The following PLD5 variants were observed in gnomAD, a reference collection of about 807,000 sequenced individuals.
PLD5 encodes the protein phospholipase D family member 5, also known as inactive phospholipase D5.
Under a neutral mutation model 61.1 loss-of-function variants are expected in PLD5, and 36 were observed. The ratio of observed to expected loss-of-function variants is 0.59; its 90% CI spans 0.45 to 0.78. The LOEUF is 0.78. PLD5 is among the 30% of genes least tolerant of loss of function. The pLI is 0.00. For missense variants in PLD5, 515 were observed against 644.4 expected, an observed-to-expected ratio of 0.80 and a Z score of 2.17; for synonymous variants, 243 against 242.8, an observed-to-expected ratio of 1.00 and a Z score of -0.01.
At chr1:242,485,323 T>C (rs182356645) in intron 1 of PLD5, among the ~76,000 whole-genome samples, 72 of 152,288 alleles carry the variant, frequency 4.7e-4, no homozygotes, top group African/African-American at 1.6e-3. Context: ...CCCCATCGTC[T>C]CAGCCCAAAA....
chr1:242,485,854 T>A (rs1253560493), intron 1 of PLD5, among the ~76,000 whole-genome samples: 1 of 152,194 alleles, frequency 6.6e-6, no homozygotes, highest in Admixed American at 6.5e-5. Flanking sequence ...ATGGTCCTGG[T>A]ACCAAAACAG....
At chr1:242,261,883 G>A (rs10926671) in intron 4 of PLD5, among the ~76,000 whole-genome samples, 71,487 of 152,038 alleles carry the variant, frequency 0.47, 17,784 homozygotes, top group East Asian at 0.68. Context: ...GTGAGAGTGT[G>A]AATTAGTACA....
rs1558290990 is a variant in PLD5 at position 242,163,133 on chromosome 1, TTTTCTTTTCTTTTCTTTC to T, written c.736-38486_736-38469del. 3.2e-4 allele frequency among the ~76,000 whole-genome samples: 41 copies of T among 127,670 alleles called. 1 individual carries two copies. Among genetic ancestry groups the T allele is most frequent in the African/African-American group, 1.2e-3 (41 of 33,994 alleles). The allele number at this position is 127,670 out of a possible 152,430, so 83.8% of individuals were successfully genotyped here. A position where few individuals can be genotyped will look rare whatever the true frequency, so the allele number is the denominator to read the frequency against. The stretch of plus-strand genomic sequence containing the variant: ...GAAAATACTTCCCTCAAGTCTTTTA[TTTTCTTTTCTTTTCTTTC>T]TTTTCTTGAGACGACGGAGTCTCAC... On this transcript the variant is annotated intron_variant, in intron 5 of 9. Transcript: ENST00000536534.
chr1:242,188,669 G>C (rs1668058365), intron 5 of PLD5: 1 of 152,212 alleles, frequency 6.6e-6, no homozygotes, highest in African/African-American at 2.4e-5. Flanking sequence ...CGTGTAAATA[G>C]TATTTAGCTA....
At chr1:242,109,136 A>T (rs150271468) in intron 7 of PLD5, among the ~76,000 whole-genome samples, 2 of 152,284 alleles carry the variant, frequency 1.3e-5, no homozygotes, top group Non-Finnish European at 2.9e-5. Context: ...TTCATCGATG[A>T]CCACCGCAGT....
intron 5 of PLD5, among the ~76,000 whole-genome samples, chr1:242,141,890 T>A (rs904106891): frequency 3.3e-5 from 5 of 152,244 alleles, no homozygotes; most frequent in African/African-American, 1.2e-4. Context: ...TGTGAGTTCC[T>A]CAATAATCTT....
intron 1 of PLD5, among the ~76,000 whole-genome samples, chr1:242,456,574 C>T (rs1456516340): frequency 6.6e-6 from 1 of 152,152 alleles, no homozygotes; most frequent in Non-Finnish European, 1.5e-5. Context: ...TTTAGAATTA[C>T]TGTGTGAGCT....
chr1:242,327,069 G>C (rs1430522452), intron 2 of PLD5, among the ~76,000 whole-genome samples: 1 of 29,294 alleles, frequency 3.4e-5, no homozygotes, highest in South Asian at 1.3e-3. Flanking sequence ...GTTTCACCGT[G>C]TTAGCCAGGA....
chr1:242,463,337 A>G (rs1202794739), intron 1 of PLD5, among the ~76,000 whole-genome samples: 1 of 152,140 alleles, frequency 6.6e-6, no homozygotes, highest in Admixed American at 6.5e-5. Context: ...CCAGCCTTCA[A>G]TGCCTCCAAC....
chr1:242,363,889 C>T (rs1661202764), intron 1 of PLD5, among the ~76,000 whole-genome samples: 1 of 152,122 alleles, frequency 6.6e-6, no homozygotes, highest in Non-Finnish European at 1.5e-5. Context: ...TTAATGAACT[C>T]CAGGAAAAGA....
chr1:242,465,429 T>C (rs1667245045), intron 1 of PLD5, among the ~76,000 whole-genome samples: 1 of 152,256 alleles, frequency 6.6e-6, no homozygotes, highest in African/African-American at 2.4e-5. Flanking sequence ...AATCAGATCA[T>C]GTCACTTGTC....
rs555573021 is a variant in PLD5 at position 242,229,407 on chromosome 1, A to G, written c.608-9292T>C. On this transcript the variant is annotated intron_variant, in intron 4 of 9. Transcript: ENST00000536534. Reference sequence around the variant, plus strand: ...TTATAAGTAGATTATAAAGCATAATAAAATGGATACTTGTGAATCTTCCAC... The same window carrying G: ...TTATAAGTAGATTATAAAGCATAATGAAATGGATACTTGTGAATCTTCCAC... Among the ~76,000 whole-genome samples, 8 of 152,348 alleles carry G rather than the reference A, an allele frequency of 5.3e-5. No homozygotes were observed. In the East Asian group the frequency reaches 1.4e-3, roughly 26 times the overall value.
In PLD5 at chr1:242,168,846, G is replaced by GTTTTTTTTTTTTTTTTTTTTT. The variant is rs34280777; in HGVS notation, c.736-44182_736-44181insAAAAAAAAAAAAAAAAAAAAA. ...TCCATGACAGTTTTTAATTAATGAA[G>GTTTTTTTTTTTTTTTTTTTTT]TTTTTTTTTTTTTTTTTTTTACCAC... On this transcript the variant is annotated intron_variant, in intron 5 of 9. Transcript: ENST00000536534. Among the ~76,000 whole-genome samples the GTTTTTTTTTTTTTTTTTTTTT allele has an allele frequency of 1.3e-3, 148 of 111,266 alleles. 15 individuals are homozygous for GTTTTTTTTTTTTTTTTTTTTT. Among genetic ancestry groups the GTTTTTTTTTTTTTTTTTTTTT allele is most frequent in the African/African-American group, 4.2e-3 (113 of 26,790 alleles). 73.0% of individuals were successfully genotyped at this position (111,266 alleles called of 152,430 possible).
intron 3 of PLD5, among the ~76,000 whole-genome samples, chr1:242,271,916 C>T (rs1202919920): frequency 2.0e-5 from 3 of 151,620 alleles, no homozygotes; most frequent in Admixed American, 1.3e-4. Context: ...AGCGATATTG[C>T]CCCAAAGGGA....
intron 3 of PLD5, among the ~76,000 whole-genome samples, chr1:242,274,446 A>C (rs192964386): frequency 1.4e-4 from 22 of 152,358 alleles, no homozygotes; most frequent in African/African-American, 5.3e-4. Flanking sequence ...GTATGAGAAC[A>C]GTCAATGACT....
intron 5 of PLD5, among the ~76,000 whole-genome samples, chr1:242,167,703 A>G (rs1666431062): frequency 6.6e-6 from 1 of 152,236 alleles, no homozygotes; most frequent in Non-Finnish European, 1.5e-5. Context: ...CAGAAGAGGC[A>G]ATAAGGCACA....
chr1:242,276,510 A>G (rs1320446759), intron 3 of PLD5, among the ~76,000 whole-genome samples: 3 of 148,292 alleles, frequency 2.0e-5, no homozygotes, highest in Non-Finnish European at 3.0e-5. Flanking sequence ...TAACACAGTG[A>G]TGAACCTGCT....
At chr1:242,335,539 G>C (rs59356994) in intron 2 of PLD5, among the ~76,000 whole-genome samples, 2,957 of 152,208 alleles carry the variant, frequency 0.019, 101 homozygotes, top group African/African-American at 0.067. Context: ...TCAGTTACTA[G>C]TAAATAGCAT....
chr1:242,485,638 C>T (rs111810750), intron 1 of PLD5, among the ~76,000 whole-genome samples: 9,408 of 152,210 alleles, frequency 0.062, 350 homozygotes, highest in African/African-American at 0.073. Context: ...GGCCATACTG[C>T]CCAAGGTAAT....
Sources: gnomAD v4.1 joint callset for allele counts (sites outside exome capture counted in the v4.1 genomes callset) on GRCh38, gnomAD v4.1.1 for gene constraint, MANE v1.5 for transcripts, NCBI Gene and HGNC (gene_info 2026-07-23, HGNC 2026-07-21) for gene names.